SPATA33: variants seen among roughly 807,000 people sequenced by gnomAD.
SPATA33 encodes spermatogenesis-associated protein 33.
SPATA33 carries 10 observed loss-of-function variants against 8.9 expected under a neutral mutation model. The observed-to-expected ratio is 1.12, with a 90% CI of 0.69 to 1.90. SPATA33 has a LOEUF of 1.90. SPATA33 is among the 40% of genes most tolerant of loss of function. The pLI is 0.00. For missense variants in SPATA33, 241 were observed against 178.3 expected (o/e 1.35, Z -2.00); for synonymous variants, 96 against 72.8 (o/e 1.32, Z -1.63).
chr16:89,661,639 A>G (rs748242651), intron 2 of SPATA33: 2 of 152,172 alleles, frequency 1.3e-5, no homozygotes, highest in Admixed American at 1.3e-4. Flanking sequence ...ACATACAAAC[A>G]TTATAGAGAA....
At chr16:89,661,143 C>A in intron 2 of SPATA33, 4 of 985,450 alleles carry the variant, frequency 4.1e-6, no homozygotes, top group Non-Finnish European at 4.8e-6. Context: ...GTGAGAAGAA[C>A]AGAAGGGCCA....
intron 2 of SPATA33, chr16:89,660,612 G>A (rs999668471): frequency 2.2e-5 from 26 of 1,161,148 alleles, no homozygotes; most frequent in Non-Finnish European, 2.6e-5. Context: ...CCAAAGGTGG[G>A]ACACTGAGTG....
intron 2 of SPATA33, among the ~76,000 whole-genome samples, chr16:89,665,078 C>G (rs181641429): frequency 1.5e-4 from 22 of 151,350 alleles, no homozygotes; most frequent in Admixed American, 3.9e-4. Context: ...TCATTGCACT[C>G]TTGACGTTCT....
chr16:89,657,891 G>C lies in SPATA33; in HGVS notation c.-21G>C, dbSNP rs769665039. On this transcript the variant is annotated 5_prime_UTR_variant, in exon 1 of 3. Coordinates refer to ENST00000579310, the MANE Select transcript of SPATA33 (RefSeq NM_001271907.2). ...GGTGTGGGGACCCGGGCTTGCGTCG[G>C]AGGGGGCGGTGGGCTCACCCATGGG... The C allele has an allele frequency of 1.7e-5, 26 of 1,516,622 alleles. No homozygotes were observed. The African/African-American group carries it at 2.3e-4, about 13-fold the overall frequency. 93.9% of individuals were successfully genotyped at this position (1,516,622 alleles called of 1,614,324 possible).
intron 2 of SPATA33, chr16:89,660,969 A>C: frequency 1.0e-6 from 1 of 1,004,840 alleles, no homozygotes; most frequent in Non-Finnish European, 1.2e-6. Context: ...GTCCAGCCCC[A>C]AGAGCTTCCC....
intron 1 of SPATA33, 91 bp downstream of exon 1, chr16:89,658,039 C>T: frequency 1.4e-6 from 2 of 1,457,336 alleles, no homozygotes. Flanking sequence ...GGTGTGAGCG[C>T]AGGCGCCAGG....
chr16:89,659,461 G>A (rs1004195652), intron 2 of SPATA33: 29 of 152,266 alleles, frequency 1.9e-4, no homozygotes, highest in African/African-American at 5.3e-4. Context: ...ATCACTTAAG[G>A]TCAGGAGTTC....
rs781428579 is a variant in SPATA33 at position 89,658,375 on chromosome 16, G to C, written c.165G>C (p.Pro55=). The C allele has an allele frequency of 6.2e-7, 1 of 1,612,828 alleles. No homozygotes were observed. ...AGAAGCCTGTGGACAGCCTCCACCC[G>C]GGGGCCGGGACAGCCAAGCACCCGC... ...ESEKPVDSLH[P]GAGTAKHPPP... is the part of the protein sequence containing the mutation. Residue 55 remains proline, a synonymous_variant, in exon 2 of 3, where the codon CCG becomes CCC. Transcript: ENST00000579310.
Position 89,657,918 on chromosome 16 carries a change from C to CT in SPATA33, c.10dup (p.Ser4PhefsTer11). ...GGGGGCGGTGGGCTCACCCATGGGCCTTTCCAAAAGCAAAGAGAAACCCAG... is the reference window on the plus strand; with the variant it reads ...GGGGGCGGTGGGCTCACCCATGGGCCTTTTCCAAAAGCAAAGAGAAACCCAG... On this transcript the variant is annotated frameshift_variant, in exon 1 of 3. Transcript: ENST00000579310. LOFTEE classifies it high-confidence loss of function. 1 of 1,519,350 alleles carries CT rather than the reference C, an allele frequency of 6.6e-7. No individual in the cohort carries two copies. Among genetic ancestry groups the CT allele is most frequent in the East Asian group, 2.6e-5 (1 of 38,660 alleles). The allele number at this position is 1,519,350 out of a possible 1,614,324, so 94.1% of individuals were successfully genotyped here. A position where few individuals can be genotyped will look rare whatever the true frequency, so the allele number is the denominator to read the frequency against.
chr16:89,657,819 T>G (rs1229497441), upstream of SPATA33: 79 of 1,506,638 alleles, frequency 5.2e-5, no homozygotes, highest in Middle Eastern at 2.2e-4. Context: ...CGCACGCCGC[T>G]GGCGCGAGGA....
At chr16:89,665,857 A>C (rs541423206) in intron 2 of SPATA33, among the ~76,000 whole-genome samples, 4 of 152,074 alleles carry the variant, frequency 2.6e-5, no homozygotes, top group Non-Finnish European at 5.9e-5. Flanking sequence ...AGGCAGGTGG[A>C]TCACTTGAGG....
At chr16:89,667,739 T>C (rs900173634) in intron 2 of SPATA33, among the ~76,000 whole-genome samples, 16 of 152,242 alleles carry the variant, frequency 1.1e-4, no homozygotes, top group Non-Finnish European at 8.8e-5. Flanking sequence ...GATGAGGCTA[T>C]GTAACGCAGC....
intron 2 of SPATA33, among the ~76,000 whole-genome samples, chr16:89,664,876 C>G (rs1257514583): frequency 1.3e-5 from 2 of 152,342 alleles, no homozygotes; most frequent in East Asian, 1.9e-4. Flanking sequence ...CACCTGCACC[C>G]CTGACGACGA....
At chr16:89,665,913 C>T (rs1203750691) in intron 2 of SPATA33, among the ~76,000 whole-genome samples, 1 of 151,884 alleles carries the variant, frequency 6.6e-6, no homozygotes, top group South Asian at 2.1e-4. Flanking sequence ...AAGCCCATCT[C>T]TACTAAAAAT....
At chr16:89,669,080 C>A (rs1285977664) in intron 2 of SPATA33, among the ~76,000 whole-genome samples, 1 of 152,128 alleles carries the variant, frequency 6.6e-6, no homozygotes, top group Non-Finnish European at 1.5e-5. Context: ...AAAAGGGTGT[C>A]CAGCATCAGC....
At chr16:89,662,750 C>T (rs941765480) in intron 2 of SPATA33, among the ~76,000 whole-genome samples, 2 of 151,246 alleles carry the variant, frequency 1.3e-5, no homozygotes, top group Non-Finnish European at 2.9e-5. Context: ...GGATCACAGG[C>T]GTGAGCCACC....
At chr16:89,667,080 C>T (rs2060036097) in intron 2 of SPATA33, among the ~76,000 whole-genome samples, 1 of 152,146 alleles carries the variant, frequency 6.6e-6, no homozygotes, top group South Asian at 2.1e-4. Flanking sequence ...TCTCTAAACT[C>T]CCCTGGGGAA....
intron 2 of SPATA33, among the ~76,000 whole-genome samples, chr16:89,668,276 C>T (rs1237921853): frequency 6.6e-6 from 1 of 152,234 alleles, no homozygotes; most frequent in Non-Finnish European, 1.5e-5. Context: ...CACACCACTG[C>T]ACTCCAGCCT....
At chr16:89,658,492 A>C (rs767624119) in intron 2 of SPATA33, 71 bp downstream of exon 2, 2 of 1,524,046 alleles carry the variant, frequency 1.3e-6, no homozygotes, top group South Asian at 1.2e-5. Context: ...TGAGGAGCCT[A>C]CTGTAAGACC....
Sources: gnomAD v4.1 joint callset for allele counts (sites outside exome capture counted in the v4.1 genomes callset) on GRCh38, gnomAD v4.1.1 for gene constraint, MANE v1.5 for transcripts, NCBI Gene and HGNC (gene_info 2026-07-23, HGNC 2026-07-21) for gene names.